The following MARK3 variants were observed in gnomAD, a reference collection of about 807,000 sequenced individuals.
MARK3 encodes MAP/microtubule affinity-regulating kinase 3.
In MARK3, 46 loss-of-function variants were observed where a neutral mutation model predicts 90.1. The observed-to-expected ratio is 0.51, with a 90% CI of 0.40 to 0.65. The LOEUF is 0.65. Among genes scored for constraint, MARK3 ranks in the 30% least tolerant of loss-of-function variants. The probability of loss-of-function intolerance (pLI) is 0.00; values close to 1 mark genes in which losing one functional copy is unlikely to be tolerated. For synonymous variants in MARK3, 321 were observed against 332.6 expected (o/e 0.97, Z 0.38); for missense variants, 818 against 947.2 (o/e 0.86, Z 1.79).
chr14:103,473,942 A>G (rs1176490480), intron 12 of MARK3, among the ~76,000 whole-genome samples: 1 of 151,936 alleles, frequency 6.6e-6, no homozygotes, highest in Non-Finnish European at 1.5e-5. Context: ...CATGCCTGTA[A>G]TCACAGCACT....
chr14:103,478,780 C>T (rs1189737142), intron 13 of MARK3, among the ~76,000 whole-genome samples: 1 of 152,128 alleles, frequency 6.6e-6, no homozygotes, highest in South Asian at 2.1e-4. Flanking sequence ...CTCAGGTGAT[C>T]CACCCGCCTC....
At chr14:103,434,034 GTTTCT>G (rs2092655833) in intron 3 of MARK3, among the ~76,000 whole-genome samples, 1 of 152,074 alleles carries the variant, frequency 6.6e-6, no homozygotes, top group African/African-American at 2.4e-5. Flanking sequence ...ATTATCGTGT[GTTTCT>G]TTTGAGTTTT....
chr14:103,479,166 A>T (rs533860668), intron 13 of MARK3, among the ~76,000 whole-genome samples: 22 of 151,942 alleles, frequency 1.4e-4, no homozygotes, highest in African/African-American at 5.1e-4. Flanking sequence ...TACCACAGGC[A>T]TGCATCACCA....
chr14:103,388,891 G>C (rs2090010956), intron 1 of MARK3, among the ~76,000 whole-genome samples: 1 of 152,072 alleles, frequency 6.6e-6, no homozygotes, highest in African/African-American at 2.4e-5. Flanking sequence ...TTGTTTGGAT[G>C]TGCCACAATT....
intron 14 of MARK3, among the ~76,000 whole-genome samples, chr14:103,486,605 G>A (rs1414845531): frequency 6.6e-6 from 1 of 151,922 alleles, no homozygotes; most frequent in African/African-American, 2.4e-5. Context: ...ACTTTTCTGG[G>A]GGGAAATATT....
chr14:103,483,529 A>AT (rs1256570590), intron 14 of MARK3, among the ~76,000 whole-genome samples: 7 of 152,132 alleles, frequency 4.6e-5, no homozygotes, highest in Non-Finnish European at 1.0e-4. Context: ...AATTTTAATT[A>AT]TTTTTTCTTT....
chr14:103,450,909 TGTGTG>T, intron 4 of MARK3, among the ~76,000 whole-genome samples: 1 of 109,010 alleles, frequency 9.2e-6, no homozygotes, highest in African/African-American at 3.2e-5. Flanking sequence ...TGTGTGTGTG[TGTGTG>T]TGTATTCTTT....
At chr14:103,442,185 G>A (rs1490623937) in intron 3 of MARK3, among the ~76,000 whole-genome samples, 1 of 152,092 alleles carries the variant, frequency 6.6e-6, no homozygotes, top group Non-Finnish European at 1.5e-5. Flanking sequence ...TGGTGAACAT[G>A]GTGAAGCCCC....
intron 3 of MARK3, among the ~76,000 whole-genome samples, chr14:103,431,846 C>A (rs1468830720): frequency 6.6e-6 from 1 of 152,142 alleles, no homozygotes; most frequent in African/African-American, 2.4e-5. Context: ...ACATAACCAG[C>A]CCTTAGAAGT....
At chr14:103,411,691 C>T (rs1028679038) in intron 2 of MARK3, among the ~76,000 whole-genome samples, 7 of 151,846 alleles carry the variant, frequency 4.6e-5, no homozygotes, top group African/African-American at 1.5e-4. Flanking sequence ...GGCGGGATCT[C>T]GGCTAACTGC....
At chr14:103,451,221 C>T (rs2093140478) in intron 4 of MARK3, among the ~76,000 whole-genome samples, 1 of 151,890 alleles carries the variant, frequency 6.6e-6, no homozygotes, top group South Asian at 2.1e-4. Context: ...GTGTGAGCCA[C>T]CATACTCAGC....
At chr14:103,418,921 A>G (rs2092079904) in intron 2 of MARK3, among the ~76,000 whole-genome samples, 1 of 152,108 alleles carries the variant, frequency 6.6e-6, no homozygotes, top group Non-Finnish European at 1.5e-5. Context: ...ATAATTGTTC[A>G]TTTCAGTGGT....
At chr14:103,407,577 T>TTTTG (rs2091386159) in intron 2 of MARK3, among the ~76,000 whole-genome samples, 1 of 146,350 alleles carries the variant, frequency 6.8e-6, no homozygotes, top group Non-Finnish European at 1.5e-5. Flanking sequence ...TTTTTTTTTT[T>TTTTG]TTGAGACGGA....
intron 2 of MARK3, among the ~76,000 whole-genome samples, chr14:103,413,744 C>T (rs929557591): frequency 2.0e-5 from 3 of 152,096 alleles, no homozygotes; most frequent in African/African-American, 7.2e-5. Context: ...AGGCGTGAGC[C>T]ACCACGCCTG....
chr14:103,389,160 C>G (rs376385980), intron 1 of MARK3, among the ~76,000 whole-genome samples: 56 of 151,558 alleles, frequency 3.7e-4, no homozygotes, highest in African/African-American at 1.3e-3. Context: ...GTCAGGAGAT[C>G]GAGACCATCC....
At chr14:103,397,411 C>T (rs2090651454) in intron 1 of MARK3, among the ~76,000 whole-genome samples, 1 of 151,100 alleles carries the variant, frequency 6.6e-6, no homozygotes, top group South Asian at 2.1e-4. Context: ...ACCGCAACCT[C>T]CGCCTCCCAG....
intron 12 of MARK3, 94 bp downstream of exon 12, chr14:103,468,280 A>C: frequency 2.5e-6 from 1 of 406,130 alleles, no homozygotes. Context: ...GCCTGGCTTG[A>C]TGTCCTTTCT....
rs531739112 is a variant in MARK3, at chr14:103,461,911, T to C, written c.484-494T>C. Among the ~76,000 whole-genome samples, 15 of 151,938 alleles carry C rather than the reference T, an allele frequency of 9.9e-5. No homozygotes were observed. In the South Asian group the frequency reaches 3.1e-3, roughly 32 times the overall value. Reference sequence around the variant, plus strand: ...ATTGGCCGGGCATGGTGGTGCACACTTGTAATCCCAGCTACTCGGGAGACT... The same window carrying C: ...ATTGGCCGGGCATGGTGGTGCACACCTGTAATCCCAGCTACTCGGGAGACT... On this transcript the variant is annotated intron_variant, in intron 6 of 17. Coordinates refer to ENST00000429436, the MANE Select transcript of MARK3 (RefSeq NM_001128918.3).
Position 103,386,035 on chromosome 14 carries a change from C to T in MARK3, c.6C>T (p.Ser2=), listed in dbSNP as rs201760617. Residue 2 remains serine (S), a synonymous_variant, in exon 1 of 18, where the codon TCC becomes TCT. Coordinates refer to ENST00000429436, the MANE Select transcript of MARK3 (RefSeq NM_001128918.3). The part of the protein sequence containing the change: M[S]TRTPLPTVNE... Reference sequence around the variant, plus strand: ...CAGAATTAAAGTGCAGTAAAATGTCCACTAGGACCCCATTGCCAACGGTGA... The same window carrying T: ...CAGAATTAAAGTGCAGTAAAATGTCTACTAGGACCCCATTGCCAACGGTGA... The T allele has an allele frequency of 1.7e-5, 28 of 1,613,774 alleles. No homozygotes were observed. Among genetic ancestry groups the T allele is most frequent in the Non-Finnish European group, 2.4e-5 (28 of 1,179,744 alleles).
Sources: gnomAD v4.1 joint callset for allele counts (sites outside exome capture counted in the v4.1 genomes callset) on GRCh38, gnomAD v4.1.1 for gene constraint, MANE v1.5 for transcripts, NCBI Gene and HGNC (gene_info 2026-07-23, HGNC 2026-07-21) for gene names.